ADGRB3: variants seen among roughly 807,000 people sequenced by gnomAD.
ADGRB3 encodes brain-specific angiogenesis inhibitor 3.
Under a neutral mutation model 193.4 loss-of-function variants are expected in ADGRB3, and 37 were observed. The observed-to-expected ratio is 0.19, with a 90% CI of 0.15 to 0.25. ADGRB3 has a LOEUF of 0.25. Among genes scored for constraint, ADGRB3 ranks in the 10% least tolerant of loss-of-function variants. The pLI, the probability that ADGRB3 is intolerant of heterozygous loss-of-function variation, is 1.00. For synonymous variants in ADGRB3, 690 were observed against 644.2 expected, an observed-to-expected ratio of 1.07 and a Z score of -1.08; for missense variants, 1,637 against 1,852.9, an observed-to-expected ratio of 0.88 and a Z score of 2.14.
At chr6:69,029,993 C>T (rs1208213724) in intron 13 of ADGRB3, among the ~76,000 whole-genome samples, 1 of 151,406 alleles carries the variant, frequency 6.6e-6, no homozygotes, top group Non-Finnish European at 1.5e-5. Flanking sequence ...CACACACACA[C>T]ACACACACAC....
At chr6:69,289,527 T>C (rs1409841136) in intron 20 of ADGRB3, among the ~76,000 whole-genome samples, 1 of 152,156 alleles carries the variant, frequency 6.6e-6, no homozygotes, top group Non-Finnish European at 1.5e-5. Flanking sequence ...TCCTTTGCAA[T>C]CACACCTATT....
chr6:69,220,921 A>T (rs1352128920), intron 17 of ADGRB3, among the ~76,000 whole-genome samples: 3 of 151,984 alleles, frequency 2.0e-5, no homozygotes, highest in Non-Finnish European at 4.4e-5. Context: ...TTATCACTAA[A>T]TCACTATCCA....
chr6:69,170,058 A>G lies in ADGRB3; in HGVS notation c.2481-63232A>G, dbSNP rs531684851. ...AAGTACAATTAATGAAGGGAAATTG[A>G]CCCTAAGGAGAAGTTTTGCATAGAT... On this transcript the variant is annotated intron_variant, in intron 17 of 31. Transcript: ENST00000370598. 2.0e-5 allele frequency among the ~76,000 whole-genome samples: 3 copies of G among 152,210 alleles called. No homozygotes were observed. The South Asian group carries it at 6.2e-4, about 32-fold the overall frequency.
intron 17 of ADGRB3, among the ~76,000 whole-genome samples, chr6:69,176,577 A>C (rs368458011): frequency 6.6e-6 from 1 of 152,132 alleles, no homozygotes; most frequent in Non-Finnish European, 1.5e-5. Flanking sequence ...CATGTTCATC[A>C]GGGATAGTGG....
chr6:68,942,473 C>T (rs1048898729), intron 5 of ADGRB3, among the ~76,000 whole-genome samples: 1 of 152,058 alleles, frequency 6.6e-6, no homozygotes, highest in African/African-American at 2.4e-5. Flanking sequence ...AAGACAGGAG[C>T]TTTTGAACAA....
chr6:69,383,391 C>T (rs1258563066), intron 31 of ADGRB3, among the ~76,000 whole-genome samples: 1 of 151,902 alleles, frequency 6.6e-6, no homozygotes, highest in Non-Finnish European at 1.5e-5. Flanking sequence ...TAAGAATTTT[C>T]GTACACACAT....
At chr6:69,035,199 A>C (rs1770831547) in intron 13 of ADGRB3, among the ~76,000 whole-genome samples, 1 of 152,084 alleles carries the variant, frequency 6.6e-6, no homozygotes, top group African/African-American at 2.4e-5. Context: ...TGTGGCATCA[A>C]ATGAGGTAAT....
At chr6:68,696,786 G>T (rs1478857992) in intron 3 of ADGRB3, among the ~76,000 whole-genome samples, 2 of 151,940 alleles carry the variant, frequency 1.3e-5, no homozygotes, top group African/African-American at 2.4e-5. Flanking sequence ...TATATTACAG[G>T]AGGTCAACAT....
At chr6:69,032,063 CA>C (rs1770727579) in intron 13 of ADGRB3, among the ~76,000 whole-genome samples, 1 of 152,104 alleles carries the variant, frequency 6.6e-6, no homozygotes, top group African/African-American at 2.4e-5. Context: ...AAGAGATCTT[CA>C]GAGGACTTTA....
intron 16 of ADGRB3, among the ~76,000 whole-genome samples, chr6:69,063,684 A>G (rs1046172915): frequency 1.3e-5 from 2 of 152,050 alleles, no homozygotes; most frequent in Non-Finnish European, 2.9e-5. Context: ...CGCATTGTCT[A>G]AATCAAAATC....
At chr6:69,076,430 A>T (rs1772234429) in intron 17 of ADGRB3, among the ~76,000 whole-genome samples, 1 of 152,064 alleles carries the variant, frequency 6.6e-6, no homozygotes, top group South Asian at 2.1e-4. Context: ...TACTCACATG[A>T]CCTTGAATCT....
intron 17 of ADGRB3, among the ~76,000 whole-genome samples, chr6:69,228,295 T>C (rs1218172452): frequency 6.6e-6 from 1 of 152,110 alleles, no homozygotes; most frequent in African/African-American, 2.4e-5. Flanking sequence ...GCTGAACATT[T>C]ATTATTAAGA....
intron 16 of ADGRB3, among the ~76,000 whole-genome samples, chr6:69,064,647 TTA>T (rs2150308662): frequency 6.6e-6 from 1 of 152,044 alleles, no homozygotes; most frequent in Non-Finnish European, 1.5e-5. Context: ...TAGTAAGAGA[TTA>T]ATTCTCTGTA....
At chr6:68,993,279 T>G (rs1167378460) in intron 10 of ADGRB3, among the ~76,000 whole-genome samples, 2 of 152,154 alleles carry the variant, frequency 1.3e-5, no homozygotes, top group Non-Finnish European at 1.5e-5. Context: ...TAAGTAAATT[T>G]GTGCTGCTAA....
chr6:69,240,003 T>G (rs187843350), intron 20 of ADGRB3, among the ~76,000 whole-genome samples: 303 of 152,158 alleles, frequency 2.0e-3, no homozygotes, highest in African/African-American at 6.8e-3. Context: ...TTATTTTTCA[T>G]TTTTTTAATT....
chr6:68,959,430 A>G (rs1312316801), intron 8 of ADGRB3, among the ~76,000 whole-genome samples: 1 of 152,122 alleles, frequency 6.6e-6, no homozygotes, highest in Non-Finnish European at 1.5e-5. Flanking sequence ...TTTTTCTTCA[A>G]GTTGCTGAAA....
chr6:69,210,298 A>AGGGAGCATC (rs2127238663), intron 17 of ADGRB3, among the ~76,000 whole-genome samples: 1 of 151,632 alleles, frequency 6.6e-6, no homozygotes, highest in African/African-American at 2.4e-5. Flanking sequence ...GTTCAAGGGC[A>AGGGAGCATC]GGGAGCATCC....
intron 17 of ADGRB3, among the ~76,000 whole-genome samples, chr6:69,141,784 A>G (rs1003132197): frequency 6.6e-6 from 1 of 152,210 alleles, no homozygotes; most frequent in African/African-American, 2.4e-5. Flanking sequence ...TCTGAAATTA[A>G]GAAATTTAGA....
chr6:68,884,344 A>G (rs1294995272), intron 3 of ADGRB3, among the ~76,000 whole-genome samples: 2 of 152,150 alleles, frequency 1.3e-5, no homozygotes, highest in Non-Finnish European at 2.9e-5. Context: ...ATAAATAGAA[A>G]CTGTGATAAG....
Sources: allele counts gnomAD v4.1 joint callset (sites outside exome capture counted in the v4.1 genomes callset), GRCh38; gene constraint gnomAD v4.1.1; transcripts MANE v1.5; gene names NCBI Gene and HGNC (gene_info 2026-07-23, HGNC 2026-07-21).